BICD1: variants seen among roughly 807,000 people sequenced by gnomAD.
BICD1 encodes BICD cargo adaptor 1.
Under a neutral mutation model 92.5 loss-of-function variants are expected in BICD1, and 35 were observed. The observed-to-expected ratio is 0.38, with a 90% CI of 0.29 to 0.50. BICD1 has a LOEUF of 0.50. Ranked by LOEUF, BICD1 falls within the 20% of genes least tolerant of loss-of-function variation. BICD1 has a pLI of 0.93. For missense variants in BICD1, 950 were observed against 1,189.8 expected (o/e 0.80, Z 2.97); for synonymous variants, 429 against 465.1 (o/e 0.92, Z 1.00).
At chr12:32,354,977 G>A (rs74207469) in intron 8 of BICD1, among the ~76,000 whole-genome samples, 4,545 of 152,208 alleles carry the variant, frequency 0.03, 279 homozygotes, top group East Asian at 0.28. Context: ...ACTACAAGGA[G>A]AATGTATTTT....
chr12:32,248,777 T>C (rs1057473777), intron 2 of BICD1, among the ~76,000 whole-genome samples: 2 of 152,108 alleles, frequency 1.3e-5, no homozygotes, highest in Non-Finnish European at 2.9e-5. Flanking sequence ...TAGAATTTAT[T>C]AAGCAAAAGG....
chr12:32,249,340 T>A (rs1300568267), intron 2 of BICD1, among the ~76,000 whole-genome samples: 1 of 152,246 alleles, frequency 6.6e-6, no homozygotes, highest in Non-Finnish European at 1.5e-5. Context: ...CGTGTTCTTA[T>A]ATATGAGTTA....
intron 2 of BICD1, among the ~76,000 whole-genome samples, chr12:32,284,487 C>T (rs1219090119): frequency 1.3e-5 from 2 of 152,142 alleles, no homozygotes; most frequent in South Asian, 2.1e-4. Flanking sequence ...GCGACCAAAT[C>T]CTGTTCATTC....
chr12:32,171,738 AGTCTGGCCAACATGGTGAAGCCCG>A (rs1943944394), intron 1 of BICD1, among the ~76,000 whole-genome samples: 1 of 152,164 alleles, frequency 6.6e-6, no homozygotes, highest in Non-Finnish European at 1.5e-5. Context: ...GCTGGAGACC[AGTCTGGCCAACATGGTGAAGCCCG>A]GTCTCTACTA....
intron 1 of BICD1, among the ~76,000 whole-genome samples, chr12:32,117,110 G>A (rs946085824): frequency 6.6e-6 from 1 of 152,172 alleles, no homozygotes; most frequent in Non-Finnish European, 1.5e-5. Flanking sequence ...TTTCTGACAA[G>A]TGTAGTTGTC....
chr12:32,328,289 G>A lies in BICD1; in HGVS notation c.1834G>A (p.Val612Ile), dbSNP rs1253954692. ...TATTACTGCCCCACCGTCATCTCCAGTATTGGATACAAGTGACATCCGCAA... is the reference window on the plus strand; with the variant it reads ...TATTACTGCCCCACCGTCATCTCCAATATTGGATACAAGTGACATCCGCAA... ...PVITAPPSSP[V>I]LDTSDIRKEP... Residue 612 changes from valine to isoleucine, a missense_variant, in exon 5 of 10, where the codon GTA becomes ATA. This residue lies in a region of BICD1 where 309 missense variants were observed against 499.4 expected (regional missense o/e 0.62). Coordinates refer to ENST00000652176, the MANE Select transcript of BICD1 (RefSeq NM_001714.4). This position sits in a 1 kb window ranked among gnomAD's most constrained non-coding sequence, Gnocchi z 4.4. 6.2e-7 allele frequency: 1 copy of A among 1,614,112 alleles called. No homozygotes were observed. The highest frequency in any genetic ancestry group is 1.7e-5 in the Admixed American group (1 of 60,004).
intron 1 of BICD1, among the ~76,000 whole-genome samples, chr12:32,191,546 C>A (rs1359133302): frequency 1.4e-5 from 2 of 145,576 alleles, no homozygotes; most frequent in African/African-American, 5.0e-5. Context: ...CACAATATAT[C>A]AAAGTTTTTC....
intron 6 of BICD1, among the ~76,000 whole-genome samples, chr12:32,336,100 ACT>A (rs1335733287): frequency 1.3e-5 from 2 of 152,002 alleles, no homozygotes; most frequent in Non-Finnish European, 2.9e-5. Flanking sequence ...ACAGAGCGAG[ACT>A]CCGTCTCAAA....
At chr12:32,348,267 G>A (rs1014254877) in intron 8 of BICD1, among the ~76,000 whole-genome samples, 1 of 152,096 alleles carries the variant, frequency 6.6e-6, no homozygotes, top group African/African-American at 2.4e-5. Flanking sequence ...AGATCAACAT[G>A]AAAAACTCTG....
chr12:32,245,719 C>G (rs1253549667), intron 2 of BICD1, among the ~76,000 whole-genome samples: 1 of 151,922 alleles, frequency 6.6e-6, no homozygotes, highest in Non-Finnish European at 1.5e-5. Flanking sequence ...GGATAAGTGT[C>G]CAATTAACCA....
intron 1 of BICD1, among the ~76,000 whole-genome samples, chr12:32,209,993 C>T (rs757401740): frequency 3.3e-5 from 5 of 152,174 alleles, no homozygotes; most frequent in Non-Finnish European, 7.4e-5. Context: ...AACACAGATA[C>T]GTCATCGCAG....
intron 8 of BICD1, among the ~76,000 whole-genome samples, chr12:32,342,744 C>T (rs906673893): frequency 2.0e-5 from 3 of 152,016 alleles, no homozygotes; most frequent in African/African-American, 7.2e-5. Flanking sequence ...AGACACAGAA[C>T]ATAAAATGTT....
intron 1 of BICD1, among the ~76,000 whole-genome samples, chr12:32,161,487 G>A (rs1056899657): frequency 1.2e-4 from 19 of 152,042 alleles, no homozygotes; most frequent in African/African-American, 4.6e-4. Context: ...CATTGTTATC[G>A]TTACCAGTTT....
intron 1 of BICD1, among the ~76,000 whole-genome samples, chr12:32,212,898 T>G (rs900560073): frequency 3.3e-5 from 5 of 152,300 alleles, no homozygotes; most frequent in African/African-American, 1.2e-4. Flanking sequence ...AGACTACATT[T>G]ATTTATTTTT....
chr12:32,174,364 G>A (rs1259709254), intron 1 of BICD1, among the ~76,000 whole-genome samples: 7 of 151,878 alleles, frequency 4.6e-5, no homozygotes, highest in African/African-American at 1.5e-4. Flanking sequence ...TGAGCCAGGC[G>A]TGGTGACATA....
intron 1 of BICD1, among the ~76,000 whole-genome samples, chr12:32,161,557 A>G (rs1044083987): frequency 7.2e-5 from 11 of 152,248 alleles, no homozygotes. Context: ...TTTGAAGGTT[A>G]AGATCAATAA....
intron 8 of BICD1, among the ~76,000 whole-genome samples, chr12:32,345,927 T>C (rs1014593438): frequency 9.2e-5 from 14 of 152,184 alleles, no homozygotes; most frequent in Middle Eastern, 3.4e-3. Context: ...AAATGAAGGA[T>C]CACTTGAGCC....
chr12:32,122,443 C>T (rs1228906820), intron 1 of BICD1, among the ~76,000 whole-genome samples: 3 of 148,704 alleles, frequency 2.0e-5, no homozygotes, highest in Non-Finnish European at 4.4e-5. Context: ...GAGCTGAGAT[C>T]GCGCCACTGC....
chr12:32,377,124 C>A (rs1940004069), intron 9 of BICD1, among the ~76,000 whole-genome samples: 1 of 152,114 alleles, frequency 6.6e-6, no homozygotes, highest in South Asian at 2.1e-4. Context: ...GAATCCGAAT[C>A]TGCCCTTTAT....
Sources: gnomAD v4.1 joint callset for allele counts (sites outside exome capture counted in the v4.1 genomes callset) on GRCh38, gnomAD v4.1.1 for gene constraint, gnomAD v4.1.1 regional missense constraint, Gnocchi (gnomAD v3.1) non-coding constraint, MANE v1.5 for transcripts, NCBI Gene and HGNC (gene_info 2026-07-23, HGNC 2026-07-21) for gene names.